Variants in JMJD1C observed in about 807,000 individuals in gnomAD.
The protein encoded by JMJD1C is jumonji domain containing 1C.
A neutral mutation model predicts 245.3 loss-of-function variants in JMJD1C; 31 were observed. The ratio of observed to expected loss-of-function variants is 0.13; its 90% CI spans 0.09 to 0.17. The LOEUF is 0.17. Ranked by LOEUF, JMJD1C falls within the 10% of genes least tolerant of loss-of-function variation. The pLI is 1.00. For synonymous variants in JMJD1C, 1,057 were observed against 1,017.4 expected, an observed-to-expected ratio of 1.04 and a Z score of -0.74; for missense variants, 2,691 against 3,000.2, an observed-to-expected ratio of 0.90 and a Z score of 2.41.
At chr10:63,210,744 GAATT>G (rs937638678) in intron 8 of JMJD1C, among the ~76,000 whole-genome samples, 1 of 152,180 alleles carries the variant, frequency 6.6e-6, no homozygotes, top group Non-Finnish European at 1.5e-5. Context: ...TAGAAACCTT[GAATT>G]AATAATCTGA....
At chr10:63,336,990 G>A (rs537171454) in intron 2 of JMJD1C, among the ~76,000 whole-genome samples, 9 of 151,948 alleles carry the variant, frequency 5.9e-5, no homozygotes, top group East Asian at 3.9e-4. Flanking sequence ...ACAGGTGCCC[G>A]CCACCACAAT....
chr10:63,456,389 G>A (rs1187573903), intron 1 of JMJD1C, among the ~76,000 whole-genome samples: 1 of 151,984 alleles, frequency 6.6e-6, no homozygotes, highest in Non-Finnish European at 1.5e-5. Context: ...GTCCTGTATT[G>A]CATCAAGATT....
intron 2 of JMJD1C, among the ~76,000 whole-genome samples, chr10:63,376,267 C>T (rs1031318518): frequency 2.6e-5 from 4 of 152,122 alleles, no homozygotes; most frequent in African/African-American, 9.7e-5. Flanking sequence ...ACATGATATT[C>T]CAAACTTAAA....
chr10:63,205,868 G>A (rs1272306624), intron 10 of JMJD1C, among the ~76,000 whole-genome samples: 1 of 152,032 alleles, frequency 6.6e-6, no homozygotes, highest in Non-Finnish European at 1.5e-5. Context: ...CTGTTGCCCA[G>A]GCTGGAGTGC....
At chr10:63,267,808 T>C (rs1364563037) in intron 2 of JMJD1C, among the ~76,000 whole-genome samples, 1 of 152,080 alleles carries the variant, frequency 6.6e-6, no homozygotes, top group Non-Finnish European at 1.5e-5. Flanking sequence ...ACGGCCAAAA[T>C]AAATATAGTT....
chr10:63,342,728 T>C (rs904218015), intron 2 of JMJD1C, among the ~76,000 whole-genome samples: 30 of 152,294 alleles, frequency 2.0e-4, no homozygotes, highest in Middle Eastern at 3.4e-3. Flanking sequence ...TGAATAAATA[T>C]AAGAAAATGA....
intron 1 of JMJD1C, among the ~76,000 whole-genome samples, chr10:63,486,813 T>A (rs1277960120): frequency 6.6e-6 from 1 of 152,180 alleles, no homozygotes; most frequent in African/African-American, 2.4e-5. Flanking sequence ...GCACTTTACA[T>A]AAAATAGCAC....
At chr10:63,183,605 T>TTA in intron 21 of JMJD1C, 36 bp from the exon 22 acceptor site, 3 of 1,266,494 alleles carry the variant, frequency 2.4e-6, no homozygotes, top group Non-Finnish European at 2.2e-6. Flanking sequence ...GACAAAATAT[T>TTA]TATATATATG....
intron 1 of JMJD1C, among the ~76,000 whole-genome samples, chr10:63,458,145 C>G (rs151211717): frequency 6.6e-6 from 1 of 152,140 alleles, no homozygotes; most frequent in Non-Finnish European, 1.5e-5. Context: ...ACTAAAAGTA[C>G]GTAATCCCTA....
At chr10:63,513,185 GT>G (rs1954921516) in intron 1 of JMJD1C, among the ~76,000 whole-genome samples, 1 of 151,932 alleles carries the variant, frequency 6.6e-6, no homozygotes, top group Admixed American at 6.6e-5. Context: ...CTTTGGCAAA[GT>G]CAACAAAAAT....
At chr10:63,352,826 C>A (rs1304550759) in intron 2 of JMJD1C, among the ~76,000 whole-genome samples, 1 of 151,990 alleles carries the variant, frequency 6.6e-6, no homozygotes, top group South Asian at 2.1e-4. Flanking sequence ...GGATGTGAAA[C>A]CTGTGTATAC....
intron 3 of JMJD1C, among the ~76,000 whole-genome samples, chr10:63,228,674 A>G (rs1564645642): frequency 6.6e-6 from 1 of 152,354 alleles, no homozygotes. Context: ...ATACAATTTT[A>G]AATATACTAA....
chr10:63,432,105 T>C (rs1424496394), intron 1 of JMJD1C, among the ~76,000 whole-genome samples: 1 of 152,204 alleles, frequency 6.6e-6, no homozygotes, highest in Admixed American at 6.5e-5. Context: ...AGCCCAGTGG[T>C]TGGGTCCAGA....
At chr10:63,419,834 TAAAAA>T (rs34006135) in intron 1 of JMJD1C, among the ~76,000 whole-genome samples, 11 of 114,498 alleles carry the variant, frequency 9.6e-5, no homozygotes, top group African/African-American at 2.1e-4. Flanking sequence ...CTCCATGAAA[TAAAAA>T]AAAAAAAAAA....
rs1202033872 is a variant in JMJD1C, at chr10:63,465,967, C to A, written c.-305G>T. 1 of 493,734 alleles carries A rather than the reference C, an allele frequency of 2.0e-6. No homozygotes were observed. The highest frequency in any genetic ancestry group is 3.8e-6 in the Non-Finnish European group (1 of 265,656). 30.6% of individuals were successfully genotyped at this position (493,734 alleles called of 1,614,324 possible). On this transcript the variant is annotated 5_prime_UTR_variant, in exon 1 of 26. Transcript: ENST00000399262. ...CAGCCCAGCCGCCGCCACCGCGCCG[C>A]GGCCAGTACTGCTCCGTCTCCCTCC...
intron 1 of JMJD1C, among the ~76,000 whole-genome samples, chr10:63,479,316 T>C (rs974069227): frequency 6.6e-6 from 1 of 151,308 alleles, no homozygotes; most frequent in African/African-American, 2.4e-5. Flanking sequence ...AAATCCCAGA[T>C]GTCGTATCAT....
intron 2 of JMJD1C, among the ~76,000 whole-genome samples, chr10:63,347,268 C>T (rs1461369911): frequency 6.6e-6 from 1 of 151,804 alleles, no homozygotes; most frequent in African/African-American, 2.4e-5. Context: ...AACTTTATGC[C>T]TCCTTGTAAA....
chr10:63,177,035 A>T (rs1198481989), intron 23 of JMJD1C: 1 of 152,698 alleles, frequency 6.5e-6, no homozygotes, highest in African/African-American at 2.4e-5. Context: ...AAAATGGTAC[A>T]AAAAAGGCTG....
intron 3 of JMJD1C, among the ~76,000 whole-genome samples, chr10:63,234,175 G>C (rs544078584): frequency 1.3e-5 from 2 of 150,270 alleles, no homozygotes; most frequent in Non-Finnish European, 3.0e-5. Flanking sequence ...CCAGAGTTAC[G>C]AGAAGTCTAG....
Sources: gnomAD v4.1 joint callset for allele counts (sites outside exome capture counted in the v4.1 genomes callset) on GRCh38, gnomAD v4.1.1 for gene constraint, MANE v1.5 for transcripts, NCBI Gene and HGNC (gene_info 2026-07-23, HGNC 2026-07-21) for gene names.